HS3ST5: variants seen among roughly 807,000 people sequenced by gnomAD.
The protein encoded by HS3ST5 is heparan sulfate-glucosamine 3-sulfotransferase 5.
A neutral mutation model predicts 25.4 loss-of-function variants in HS3ST5; 10 were observed. The observed-to-expected ratio is 0.39, with a 90% CI of 0.24 to 0.67. The LOEUF (loss-of-function observed/expected upper bound fraction) is 0.67. Ranked by LOEUF, HS3ST5 falls within the 30% of genes least tolerant of loss-of-function variation. The probability of loss-of-function intolerance (pLI) is 0.44; values close to 1 mark genes in which losing one functional copy is unlikely to be tolerated. For missense variants in HS3ST5, 324 were observed against 420.7 expected (o/e 0.77, Z 2.01); for synonymous variants, 170 against 162.4 (o/e 1.05, Z -0.36).
chr6:114,240,925 T>C (rs972550765), intron 1 of HS3ST5, among the ~76,000 whole-genome samples: 14 of 152,152 alleles, frequency 9.2e-5, no homozygotes, highest in Non-Finnish European at 1.6e-4. Context: ...ACCTGCCATT[T>C]TGCCCAAGGA....
chr6:114,161,165 C>G (rs746422719), intron 3 of HS3ST5, among the ~76,000 whole-genome samples: 1 of 151,864 alleles, frequency 6.6e-6, no homozygotes, highest in Non-Finnish European at 1.5e-5. Flanking sequence ...CCCTCAAGGT[C>G]AGCGATATGA....
intron 2 of HS3ST5, among the ~76,000 whole-genome samples, chr6:114,216,765 A>G (rs1288482811): frequency 6.6e-6 from 1 of 150,892 alleles, no homozygotes; most frequent in Non-Finnish European, 1.5e-5. Flanking sequence ...AAGAAAACTG[A>G]AAGTGCAGGA....
intron 3 of HS3ST5, among the ~76,000 whole-genome samples, chr6:114,127,855 T>TATATAG (rs1446156144): frequency 1.7e-4 from 25 of 147,084 alleles, no homozygotes; most frequent in African/African-American, 4.3e-4. Context: ...TATATATATA[T>TATATAG]AGAGAGAGAG....
intron 1 of HS3ST5, among the ~76,000 whole-genome samples, chr6:114,282,297 T>C (rs535214310): frequency 2.0e-5 from 3 of 152,136 alleles, no homozygotes; most frequent in Admixed American, 6.5e-5. Context: ...GAACTCACTA[T>C]TCCTTTTTCA....
chr6:114,070,044 C>T (rs559379938), intron 3 of HS3ST5, among the ~76,000 whole-genome samples: 89 of 152,066 alleles, frequency 5.9e-4, no homozygotes, highest in African/African-American at 2.0e-3. Context: ...GCACTTGGTA[C>T]GCAAGCAGTG....
intron 1 of HS3ST5, among the ~76,000 whole-genome samples, chr6:114,230,752 A>AT (rs201315419): frequency 0.021 from 3,109 of 149,418 alleles, 71 homozygotes; most frequent in African/African-American, 0.053. Context: ...ACACCCTGCT[A>AT]TTTTTTTTTG....
At chr6:114,160,561 A>C (rs1562220441) in intron 3 of HS3ST5, among the ~76,000 whole-genome samples, 1 of 152,088 alleles carries the variant, frequency 6.6e-6, no homozygotes, top group Non-Finnish European at 1.5e-5. Context: ...AAACCTTAGA[A>C]AGTATTAGCT....
At chr6:114,337,889 T>C (rs1776671440) in intron 1 of HS3ST5, among the ~76,000 whole-genome samples, 1 of 152,086 alleles carries the variant, frequency 6.6e-6, no homozygotes, top group African/African-American at 2.4e-5. Flanking sequence ...TCATAAACCC[T>C]CACCTTCCTC....
chr6:114,296,453 T>C (rs547463938), intron 1 of HS3ST5, among the ~76,000 whole-genome samples: 1 of 152,332 alleles, frequency 6.6e-6, no homozygotes, highest in East Asian at 1.9e-4. Context: ...TCAAAATGTA[T>C]TCATCCATCT....
chr6:114,341,220 G>GGGGA (rs1241353223), intron 1 of HS3ST5, among the ~76,000 whole-genome samples: 1 of 33,334 alleles, frequency 3.0e-5, no homozygotes, highest in East Asian at 4.5e-4. Flanking sequence ...AGGGAGAGAG[G>GGGGA]GGGAGAGAGA....
At chr6:114,268,929 C>T (rs189568894) in intron 1 of HS3ST5, among the ~76,000 whole-genome samples, 131 of 152,236 alleles carry the variant, frequency 8.6e-4, no homozygotes, top group South Asian at 1.5e-3. Flanking sequence ...GAAGATGCTG[C>T]CCATTCCTCA....
chr6:114,123,233 G>A (rs551680953), intron 3 of HS3ST5, among the ~76,000 whole-genome samples: 12 of 152,276 alleles, frequency 7.9e-5, no homozygotes, highest in Non-Finnish European at 1.3e-4. Context: ...GATTACAGGC[G>A]TGAGCCATCG....
intron 1 of HS3ST5, among the ~76,000 whole-genome samples, chr6:114,269,780 C>A (rs1773558973): frequency 6.6e-6 from 1 of 152,156 alleles, no homozygotes; most frequent in Non-Finnish European, 1.5e-5. Flanking sequence ...TAATTTTAGA[C>A]TAGAAGATCC....
Position 114,103,407 on chromosome 6 carries a change from G to T in HS3ST5, c.-32-40530C>A, listed in dbSNP as rs558493970. ...TTATGTTTTATGATAAGAGTAATGT[G>T]GGTGCAAAAGGGGAAAAATGAGTTG... is the stretch of plus-strand genomic sequence containing the variant. On this transcript the variant is annotated intron_variant, in intron 3 of 4. Coordinates refer to ENST00000312719, the MANE Select transcript of HS3ST5 (RefSeq NM_153612.4). Among the ~76,000 whole-genome samples the T allele has an allele frequency of 1.4e-4, 22 of 152,018 alleles. 1 individual carries two copies. In the South Asian group the frequency reaches 2.3e-3, roughly 16 times the overall value.
intron 3 of HS3ST5, among the ~76,000 whole-genome samples, chr6:114,117,867 G>C (rs1776606993): frequency 6.6e-6 from 1 of 152,106 alleles, no homozygotes; most frequent in African/African-American, 2.4e-5. Context: ...TCTACCTCTA[G>C]GAGTGGCACT....
intron 2 of HS3ST5, among the ~76,000 whole-genome samples, chr6:114,198,084 GA>G (rs1341838441): frequency 6.6e-6 from 1 of 152,012 alleles, no homozygotes; most frequent in African/African-American, 2.4e-5. Flanking sequence ...GCCATATTAA[GA>G]AAGAAGCAAA....
At chr6:114,150,456 A>G (rs1326363981) in intron 3 of HS3ST5, among the ~76,000 whole-genome samples, 1 of 152,240 alleles carries the variant, frequency 6.6e-6, no homozygotes, top group African/African-American at 2.4e-5. Flanking sequence ...TAAATACATC[A>G]AAATAAGTAT....
At chr6:114,197,339 G>A (rs1231355770) in intron 2 of HS3ST5, among the ~76,000 whole-genome samples, 1 of 151,810 alleles carries the variant, frequency 6.6e-6, no homozygotes, top group African/African-American at 2.4e-5. Context: ...TATCTCTTAG[G>A]TTTTGATGAC....
intron 2 of HS3ST5, among the ~76,000 whole-genome samples, chr6:114,172,094 C>T (rs1012010623): frequency 3.3e-5 from 5 of 152,154 alleles, no homozygotes; most frequent in African/African-American, 1.2e-4. Flanking sequence ...CCACCAATAA[C>T]CCTTGGGGCA....
Sources: allele counts gnomAD v4.1 joint callset (sites outside exome capture counted in the v4.1 genomes callset), GRCh38; gene constraint gnomAD v4.1.1; transcripts MANE v1.5; gene names NCBI Gene and HGNC (gene_info 2026-07-23, HGNC 2026-07-21).